NRXN1: variants seen among roughly 807,000 people sequenced by gnomAD.
The protein encoded by NRXN1 is neurexin-1.
Under a neutral mutation model 150.9 loss-of-function variants are expected in NRXN1, and 39 were observed. That is an observed-to-expected ratio of 0.26 (90% CI 0.20 to 0.34). NRXN1 has a LOEUF of 0.34. Ranked by LOEUF, NRXN1 falls within the 10% of genes least tolerant of loss-of-function variation. The pLI, the probability that NRXN1 is intolerant of heterozygous loss-of-function variation, is 1.00. For missense variants in NRXN1, 1,815 were observed against 1,949.9 expected, an observed-to-expected ratio of 0.93 and a Z score of 1.30; for synonymous variants, 924 against 757.0, an observed-to-expected ratio of 1.22 and a Z score of -3.62.
chr2:50,504,140 T>TAAAAAAAAAAAA (rs70948715), intron 13 of NRXN1, among the ~76,000 whole-genome samples: 2 of 112,424 alleles, frequency 1.8e-5, no homozygotes, highest in African/African-American at 3.7e-5. Flanking sequence ...ACATGACAAC[T>TAAAAAAAAAAAA]AAAAAAAAAA....
chr2:50,066,073 T>C (rs1027477546), intron 19 of NRXN1, among the ~76,000 whole-genome samples: 2 of 152,172 alleles, frequency 1.3e-5, no homozygotes, highest in African/African-American at 4.8e-5. Flanking sequence ...TTCCTACACA[T>C]ATCTCATGTT....
intron 14 of NRXN1, among the ~76,000 whole-genome samples, chr2:50,496,499 G>C (rs1187422662): frequency 1.3e-5 from 2 of 152,084 alleles, no homozygotes; most frequent in Non-Finnish European, 2.9e-5. Flanking sequence ...TAGGGAACGT[G>C]TACTCATCCT....
At chr2:50,629,292 T>C (rs1454892149) in intron 5 of NRXN1, among the ~76,000 whole-genome samples, 1 of 151,714 alleles carries the variant, frequency 6.6e-6, no homozygotes, top group East Asian at 1.9e-4. Flanking sequence ...AATGTGAATC[T>C]ATGAGCTGCA....
intron 18 of NRXN1, among the ~76,000 whole-genome samples, chr2:50,229,677 T>C (rs1225703401): frequency 6.6e-6 from 1 of 152,098 alleles, no homozygotes; most frequent in African/African-American, 2.4e-5. Context: ...AGTGTAAGAT[T>C]ATAAATGTTT....
rs781698676 is a variant in NRXN1 at position 50,497,584 on chromosome 2, T to C, written c.2628A>G (p.Gly876=). ...IGHLQSLTFN[G]MAYIDLCKNG... ...TTTTACACAGGTCAATGTATGCCAT[T>C]CCATTAAATGTCAAGCTCTGCAGGT... The change falls in exon 14 of 23, where the codon GGA becomes GGG. Residue 876 remains glycine, a synonymous_variant. Coordinates refer to ENST00000401669, the MANE Select transcript of NRXN1 (RefSeq NM_001330078.2). 17 of 1,613,908 alleles carry C rather than the reference T, an allele frequency of 1.1e-5. No homozygotes were observed. The Admixed American group carries it at 2.8e-4, about 27-fold the overall frequency.
intron 5 of NRXN1, among the ~76,000 whole-genome samples, chr2:50,630,557 C>A (rs11691013): frequency 0.06 from 9,119 of 151,688 alleles, 295 homozygotes; most frequent in Middle Eastern, 0.089. Context: ...AGGATGCCTG[C>A]GGGCAGAACG....
rs1667823578 is a variant in NRXN1 at position 49,919,371 on chromosome 2, C to CTA, written c.*2571_*2572dup. The CTA allele has an allele frequency of 6.6e-6, 1 of 151,948 alleles. No homozygotes were observed. Among genetic ancestry groups the CTA allele is most frequent in the Non-Finnish European group, 1.5e-5 (1 of 67,942 alleles). The allele number at this position is 151,948 out of a possible 1,614,324, so 9.4% of individuals were successfully genotyped here. ...TAGAAATAATTTTGCTGATAATAAACTATATCAATCATTGCATGTAACTTT... is the reference window on the plus strand; with the variant it reads ...TAGAAATAATTTTGCTGATAATAAACTATATATCAATCATTGCATGTAACTTT... On this transcript the variant is annotated 3_prime_UTR_variant, in exon 23 of 23. Coordinates refer to ENST00000401669, the MANE Select transcript of NRXN1 (RefSeq NM_001330078.2).
chr2:50,420,966 G>C (rs1428690028), intron 17 of NRXN1, among the ~76,000 whole-genome samples: 4 of 33,762 alleles, frequency 1.2e-4, no homozygotes, highest in Non-Finnish European at 1.8e-4. Context: ...ATAGACCTGT[G>C]TGTGTGTGTG....
chr2:50,871,038 T>C (rs1165519818), intron 5 of NRXN1, among the ~76,000 whole-genome samples: 1 of 151,912 alleles, frequency 6.6e-6, no homozygotes, highest in Non-Finnish European at 1.5e-5. Flanking sequence ...TATTGAAAAA[T>C]TAAAATTATT....
In NRXN1 at chr2:50,771,598, T is replaced by C. The variant is rs570344015; in HGVS notation, c.833-147983A>G. 3.3e-5 allele frequency among the ~76,000 whole-genome samples: 5 copies of C among 152,166 alleles called. 1 individual carries two copies. The South Asian group carries it at 1.0e-3, about 32-fold the overall frequency. On this transcript the variant is annotated intron_variant, in intron 5 of 22. Transcript: ENST00000401669. ...AAAAACACAGAGGTGAGAATTTGAA[T>C]AGTACATTAGAATAGATACAAAGAT...
At chr2:50,212,237 G>A (rs1053054143) in intron 18 of NRXN1, among the ~76,000 whole-genome samples, 2 of 141,336 alleles carry the variant, frequency 1.4e-5, no homozygotes, top group African/African-American at 5.3e-5. Flanking sequence ...GAAACTCTCA[G>A]AAGTAGAAAA....
chr2:50,222,397 GA>G (rs2063965684), intron 18 of NRXN1, among the ~76,000 whole-genome samples: 1 of 151,916 alleles, frequency 6.6e-6, no homozygotes, highest in African/African-American at 2.4e-5. Context: ...GAAATAATGA[GA>G]CCAATTTGCT....
chr2:50,660,105 C>T (rs1165506516), intron 5 of NRXN1, among the ~76,000 whole-genome samples: 3 of 151,972 alleles, frequency 2.0e-5, no homozygotes, highest in Non-Finnish European at 4.4e-5. Context: ...CCACTGGGGA[C>T]TTGGAAGGTC....
intron 2 of NRXN1, among the ~76,000 whole-genome samples, chr2:51,024,199 G>T (rs1012211915): frequency 5.9e-5 from 9 of 152,028 alleles, no homozygotes; most frequent in Non-Finnish European, 1.3e-4. Context: ...AACGGTCCAG[G>T]CACTTAGATG....
At chr2:51,021,865 G>A (rs1049630974) in intron 2 of NRXN1, among the ~76,000 whole-genome samples, 22 of 151,988 alleles carry the variant, frequency 1.4e-4, no homozygotes, top group Non-Finnish European at 1.2e-4. Context: ...ATGGAATACA[G>A]GTATTAGTTT....
chr2:50,426,030 A>C lies in NRXN1; in HGVS notation c.3364+39412T>G, dbSNP rs545748100. ...TACAGAGACATTTTAACATCCTTTCAAAAGGTAACTACTTGTACCTACAGC... is the reference window on the plus strand; with the variant it reads ...TACAGAGACATTTTAACATCCTTTCCAAAGGTAACTACTTGTACCTACAGC... On this transcript the variant is annotated intron_variant, in intron 17 of 22. Transcript: ENST00000401669. Among the ~76,000 whole-genome samples the C allele has an allele frequency of 4.9e-4, 74 of 152,332 alleles. 1 individual carries two copies. In the South Asian group the frequency reaches 0.015, roughly 32 times the overall value.
At chr2:50,075,711 T>C (rs1037893649) in intron 19 of NRXN1, among the ~76,000 whole-genome samples, 4 of 152,170 alleles carry the variant, frequency 2.6e-5, no homozygotes, top group Non-Finnish European at 4.4e-5. Flanking sequence ...CGAATGCCAC[T>C]GTGGAAATTT....
intron 17 of NRXN1, among the ~76,000 whole-genome samples, chr2:50,329,365 T>C (rs2076592966): frequency 6.6e-6 from 1 of 151,550 alleles, no homozygotes; most frequent in Admixed American, 6.6e-5. Flanking sequence ...GGTTTTTTTT[T>C]CTTATAAAAT....
intron 18 of NRXN1, among the ~76,000 whole-genome samples, chr2:50,122,793 A>G (rs574307342): frequency 6.6e-6 from 1 of 152,176 alleles, no homozygotes; most frequent in African/African-American, 2.4e-5. Context: ...TACACAATAA[A>G]TTATCAAGTA....
Sources: gnomAD v4.1 joint callset for allele counts (sites outside exome capture counted in the v4.1 genomes callset) on GRCh38, gnomAD v4.1.1 for gene constraint, MANE v1.5 for transcripts, NCBI Gene and HGNC (gene_info 2026-07-23, HGNC 2026-07-21) for gene names.